Variants in RTN4 observed in about 807,000 individuals in gnomAD.
RTN4 encodes the protein reticulon 4.
Under a neutral mutation model 90.4 loss-of-function variants are expected in RTN4, and 32 were observed. The observed-to-expected ratio is 0.35, with a 90% CI of 0.27 to 0.48. The LOEUF (loss-of-function observed/expected upper bound fraction) is 0.48, where lower values mean the gene tolerates loss of function less well. Among genes scored for constraint, RTN4 ranks in the 20% least tolerant of loss-of-function variants. RTN4 has a pLI of 0.99. For synonymous variants in RTN4, 629 were observed against 552.5 expected, an observed-to-expected ratio of 1.14 and a Z score of -1.94; for missense variants, 1,706 against 1,430.2, an observed-to-expected ratio of 1.19 and a Z score of -3.11.
chr2:54,991,806 C>A (rs1299679726), intron 3 of RTN4, among the ~76,000 whole-genome samples: 2 of 152,080 alleles, frequency 1.3e-5, no homozygotes, highest in African/African-American at 4.8e-5. Flanking sequence ...TCTTAAGTAC[C>A]AGACATTATT....
At chr2:55,082,974 T>G (rs181854265) in intron 1 of RTN4, among the ~76,000 whole-genome samples, 1 of 152,214 alleles carries the variant, frequency 6.6e-6, no homozygotes, top group African/African-American at 2.4e-5. Context: ...GTAGCATTTC[T>G]GAGATTCAAA....
At position 54,973,596 on chromosome 2, in the gene RTN4, A is replaced by T; in HGVS notation, c.3503T>A (p.Leu1168His). The T allele has an allele frequency of 6.2e-7, 1 of 1,610,788 alleles. No homozygotes were observed. The highest frequency in any genetic ancestry group is 8.5e-7 in the Non-Finnish European group (1 of 1,177,036). Reference protein sequence around the residue: ...HQAQIDHYLGLANKNVKDAMA... With the variant: ...HQAQIDHYLGHANKNVKDAMA... ...AGCATCTTTAACATTCTTATTTGCAAGTCCTAGATAATGATCTATCTGTGC... is the reference window on the plus strand; with the variant it reads ...AGCATCTTTAACATTCTTATTTGCATGTCCTAGATAATGATCTATCTGTGC... Residue 1168 changes from leucine to histidine, a missense_variant, in exon 8 of 9, where the codon CTT becomes CAT. Coordinates refer to ENST00000337526, the MANE Select transcript of RTN4 (RefSeq NM_020532.5).
intron 2 of RTN4, among the ~76,000 whole-genome samples, chr2:55,073,499 G>T (rs190643901): frequency 7.0e-4 from 107 of 152,300 alleles, no homozygotes; most frequent in African/African-American, 2.4e-3. Context: ...CAGCAAGTTG[G>T]TATACTTAAG....
intron 2 of RTN4, among the ~76,000 whole-genome samples, chr2:55,057,893 G>A (rs181482033): frequency 4.6e-5 from 7 of 152,262 alleles, no homozygotes; most frequent in African/African-American, 1.7e-4. Context: ...TAAGACGGGA[G>A]GATCGCTTGA....
At chr2:55,092,317 C>A (rs540338110) in intron 1 of RTN4, among the ~76,000 whole-genome samples, 10 of 151,278 alleles carry the variant, frequency 6.6e-5, no homozygotes, top group African/African-American at 2.2e-4. Context: ...CTCACCGTAA[C>A]CTCCACCTCC....
chr2:55,069,640 C>A (rs1323155553), intron 2 of RTN4, among the ~76,000 whole-genome samples: 1 of 152,322 alleles, frequency 6.6e-6, no homozygotes, highest in East Asian at 1.9e-4. Flanking sequence ...CCTCTGCCTC[C>A]TCCACCCAAG....
upstream of RTN4, among the ~76,000 whole-genome samples, chr2:55,053,701 A>AG (rs1668140356): frequency 6.6e-6 from 1 of 151,622 alleles, no homozygotes; most frequent in African/African-American, 2.4e-5. Flanking sequence ...AAAAACAAAA[A>AG]AAAAAAGAAA....
Position 54,972,902 on chromosome 2 carries a change from C to CAGATAGAT in RTN4, c.*246_*253dup, listed in dbSNP as rs10610251. On this transcript the variant is annotated 3_prime_UTR_variant, in exon 9 of 9. Transcript: ENST00000337526. The stretch of plus-strand genomic sequence containing the variant: ...CAGGTTTTTTATTCCACCAGTGCCT[C>CAGATAGAT]AGATAGATAGGAAAAAGATATGATT... The CAGATAGAT allele has an allele frequency of 8.5e-6, 3 of 353,852 alleles. No individual in the cohort carries two copies. Among genetic ancestry groups the CAGATAGAT allele is most frequent in the African/African-American group, 6.4e-5 (3 of 47,120 alleles). The allele number at this position is 353,852 out of a possible 1,614,324, so 21.9% of individuals were successfully genotyped here.
the RTN4 span, among the ~76,000 whole-genome samples, chr2:55,128,746 C>T: frequency 1.3e-5 from 2 of 150,158 alleles, no homozygotes; most frequent in African/African-American, 2.5e-5. Flanking sequence ...GTATTACAAG[C>T]AAAGAACTAA....
At chr2:55,001,037 A>C (rs1049449950) in intron 3 of RTN4, among the ~76,000 whole-genome samples, 2 of 152,184 alleles carry the variant, frequency 1.3e-5, no homozygotes, top group African/African-American at 4.8e-5. Context: ...TAGATAAAAA[A>C]GACATTGGTG....
intron 3 of RTN4, among the ~76,000 whole-genome samples, chr2:55,002,471 A>AG (rs1679919855): frequency 2.0e-5 from 3 of 152,224 alleles, no homozygotes; most frequent in Non-Finnish European, 4.4e-5. Flanking sequence ...AATTTCTCTA[A>AG]GAGAAAAGTG....
intron 2 of RTN4, among the ~76,000 whole-genome samples, chr2:55,078,339 A>T (rs118151919): frequency 0.072 from 10,909 of 152,156 alleles, 520 homozygotes; most frequent in East Asian, 0.16. Context: ...CCTGGGCTCA[A>T]GTGATCCTCC....
chr2:55,029,971 G>A (rs182198441), intron 1 of RTN4, among the ~76,000 whole-genome samples: 2 of 150,044 alleles, frequency 1.3e-5, no homozygotes, highest in East Asian at 3.9e-4. Flanking sequence ...GTATAAAACT[G>A]AAATTTGAGG....
At chr2:55,056,585 C>T (rs771013708) in intron 2 of RTN4, 8 of 150,870 alleles carry the variant, frequency 5.3e-5, no homozygotes, top group African/African-American at 1.2e-4. Flanking sequence ...ATTAGCTGGG[C>T]GTGATGGAGT....
Position 55,025,123 on chromosome 2 carries a change from T to G in RTN4, c.2976A>C (p.Pro992=). The G allele has an allele frequency of 6.2e-7, 1 of 1,612,686 alleles. No individual in the cohort carries two copies. Residue 992 remains proline (P), a synonymous_variant, in exon 3 of 9, where the codon CCA becomes CCC. Coordinates refer to ENST00000337526, the MANE Select transcript of RTN4 (RefSeq NM_020532.5). The stretch of plus-strand genomic sequence containing the variant: ...TCAGCTCTGCTGAAAATATAGCAGA[T>G]GGTGATCTGTCCTCTTTTTCTGTAT... ...PSDTEKEDRS[P]SAIFSAELSK...
intron 2 of RTN4, among the ~76,000 whole-genome samples, chr2:55,075,946 C>T (rs1317602872): frequency 6.6e-6 from 1 of 152,180 alleles, no homozygotes; most frequent in African/African-American, 2.4e-5. Context: ...AGATGGATTA[C>T]AGACTTAAAT....
At chr2:54,998,444 T>C (rs143837731) in intron 3 of RTN4, among the ~76,000 whole-genome samples, 63 of 152,224 alleles carry the variant, frequency 4.1e-4, no homozygotes, top group Non-Finnish European at 8.2e-4. Flanking sequence ...GAATACCTTA[T>C]GACAGGTCAC....
At chr2:55,136,910 C>G in the RTN4 span, among the ~76,000 whole-genome samples, 1 of 152,134 alleles carries the variant, frequency 6.6e-6, no homozygotes, top group African/African-American at 2.4e-5. Flanking sequence ...GCTGTTGTTA[C>G]AAAGGTGAAC....
the RTN4 span, among the ~76,000 whole-genome samples, chr2:55,129,535 T>C: frequency 6.6e-6 from 1 of 152,170 alleles, no homozygotes; most frequent in South Asian, 2.1e-4. Flanking sequence ...GAGCTATGAT[T>C]GCACCACAGC....
Sources: allele counts gnomAD v4.1 joint callset (sites outside exome capture counted in the v4.1 genomes callset), GRCh38; gene constraint gnomAD v4.1.1; transcripts MANE v1.5; gene names NCBI Gene and HGNC (gene_info 2026-07-23, HGNC 2026-07-21).